Variants in ETV6 observed in about 807,000 individuals in gnomAD.
ETV6 encodes the protein ETS variant transcription factor 6.
In ETV6, 16 loss-of-function variants were observed where a neutral mutation model predicts 51.1. The observed-to-expected ratio is 0.31, with a 90% CI of 0.21 to 0.48. The LOEUF is 0.48. ETV6 is among the 20% of genes least tolerant of loss of function. The pLI is 0.99. For missense variants in ETV6, 458 were observed against 594.8 expected (o/e 0.77, Z 2.39); for synonymous variants, 240 against 224.1 (o/e 1.07, Z -0.64).
intron 2 of ETV6, among the ~76,000 whole-genome samples, chr12:11,781,690 C>T (rs1945416367): frequency 6.6e-6 from 1 of 152,132 alleles, no homozygotes; most frequent in Admixed American, 6.5e-5. Context: ...AGTCAGAACT[C>T]TTCTTTTGTG....
At chr12:11,737,892 G>A (rs2121004884) in intron 1 of ETV6, among the ~76,000 whole-genome samples, 1 of 152,340 alleles carries the variant, frequency 6.6e-6, no homozygotes, top group Middle Eastern at 3.4e-3. Context: ...TTAGGGGGAA[G>A]CATAAATGTG....
intron 1 of ETV6, among the ~76,000 whole-genome samples, chr12:11,684,569 A>G (rs1225253183): frequency 2.0e-5 from 3 of 152,242 alleles, no homozygotes; most frequent in Admixed American, 2.0e-4. Flanking sequence ...AGTGATCACT[A>G]CGTGACTAAT....
chr12:11,687,718 C>T (rs557253394), intron 1 of ETV6, among the ~76,000 whole-genome samples: 4 of 152,136 alleles, frequency 2.6e-5, no homozygotes, highest in Admixed American at 6.5e-5. Context: ...AAGAAAAGCA[C>T]ATAAGCTGTA....
intron 1 of ETV6, among the ~76,000 whole-genome samples, chr12:11,696,721 C>T (rs1223389618): frequency 6.6e-6 from 1 of 152,088 alleles, no homozygotes; most frequent in Non-Finnish European, 1.5e-5. Context: ...GAGGCTGAGG[C>T]AGAAGAATTG....
intron 1 of ETV6, among the ~76,000 whole-genome samples, chr12:11,722,931 G>A (rs1865417830): frequency 6.6e-6 from 1 of 152,166 alleles, no homozygotes; most frequent in African/African-American, 2.4e-5. Context: ...TTCTGATTTG[G>A]TAGGACTGGG....
intron 2 of ETV6, among the ~76,000 whole-genome samples, chr12:11,799,581 GA>G (rs1329937926): frequency 1.3e-5 from 2 of 151,990 alleles, no homozygotes; most frequent in African/African-American, 4.8e-5. Context: ...GAACTGTTAC[GA>G]AAAAAGAGGT....
At chr12:11,778,953 G>T (rs1699438803) in intron 2 of ETV6, among the ~76,000 whole-genome samples, 1 of 152,180 alleles carries the variant, frequency 6.6e-6, no homozygotes, top group African/African-American at 2.4e-5. Context: ...GACTTGGGTT[G>T]GTGGTTATTT....
intron 1 of ETV6, among the ~76,000 whole-genome samples, chr12:11,738,877 C>G (rs1462027215): frequency 6.6e-6 from 1 of 152,118 alleles, no homozygotes; most frequent in East Asian, 1.9e-4. Context: ...GCCCCGAGCT[C>G]TAAGAGTTGT....
chr12:11,859,118 GGTTTTTTT>G lies in ETV6; in HGVS notation c.463+5558_463+5565del, dbSNP rs1475211919. Among the ~76,000 whole-genome samples the G allele has an allele frequency of 1.1e-3, 46 of 41,800 alleles. 11 individuals carry two copies. The highest frequency in any genetic ancestry group is 2.3e-3 in the East Asian group (3 of 1,318). 27.4% of individuals were successfully genotyped at this position (41,800 alleles called of 152,430 possible). A position where few individuals can be genotyped will look rare whatever the true frequency, so the allele number is the denominator to read the frequency against. On this transcript the variant is annotated intron_variant, in intron 4 of 7. Transcript: ENST00000396373. ...TAAAGAAGATGAGGTATATGAATCT[GGTTTTTTT>G]TTTTTTTTTTTTTTTTTTTTTTTTT... is the stretch of plus-strand genomic sequence containing the variant.
intron 7 of ETV6, among the ~76,000 whole-genome samples, chr12:11,888,343 G>A (rs373386238): frequency 6.6e-6 from 1 of 151,280 alleles, no homozygotes; most frequent in Non-Finnish European, 1.5e-5. Context: ...TCATCACCTG[G>A]GTTTCCTGGA....
chr12:11,663,027 T>A (rs1204389101), intron 1 of ETV6, among the ~76,000 whole-genome samples: 1 of 152,246 alleles, frequency 6.6e-6, no homozygotes, highest in African/African-American at 2.4e-5. Flanking sequence ...GAGAGGTTTC[T>A]GTTATACCAT....
At chr12:11,818,398 C>A (rs116849479) in intron 2 of ETV6, among the ~76,000 whole-genome samples, 10,122 of 152,086 alleles carry the variant, frequency 0.067, 398 homozygotes, top group Admixed American at 0.094. Context: ...CGTGGTGATG[C>A]ATGCGTGTAA....
At chr12:11,750,522 T>C (rs1461893643) in intron 1 of ETV6, among the ~76,000 whole-genome samples, 1 of 152,212 alleles carries the variant, frequency 6.6e-6, no homozygotes, top group Non-Finnish European at 1.5e-5. Flanking sequence ...CTTGCACTCA[T>C]GAAGCACCAT....
At chr12:11,820,444 G>T (rs1295783064) in intron 2 of ETV6, among the ~76,000 whole-genome samples, 1 of 152,194 alleles carries the variant, frequency 6.6e-6, no homozygotes, top group Non-Finnish European at 1.5e-5. Flanking sequence ...GATTAGGGAT[G>T]AATGCTAAGA....
At chr12:11,874,383 A>G (rs2136555207) in intron 5 of ETV6, among the ~76,000 whole-genome samples, 1 of 147,254 alleles carries the variant, frequency 6.8e-6, no homozygotes, top group African/African-American at 2.5e-5. Flanking sequence ...TCTCAAAAAA[A>G]AAAAAAATGT....
intron 1 of ETV6, among the ~76,000 whole-genome samples, chr12:11,697,732 T>TA: frequency 6.6e-6 from 1 of 152,266 alleles, no homozygotes; most frequent in East Asian, 1.9e-4. Flanking sequence ...AGTAATTAAT[T>TA]AAAAAATGAA....
chr12:11,787,700 T>G (rs1299816675), intron 2 of ETV6, among the ~76,000 whole-genome samples: 1 of 152,156 alleles, frequency 6.6e-6, no homozygotes, highest in Non-Finnish European at 1.5e-5. Context: ...CAGCATACTT[T>G]CCTTTACCAA....
intron 1 of ETV6, among the ~76,000 whole-genome samples, chr12:11,739,703 A>G (rs978030387): frequency 7.5e-6 from 1 of 134,072 alleles, no homozygotes; most frequent in Non-Finnish European, 1.7e-5. Context: ...TTGACTATAC[A>G]TTGAAAGAAT....
At chr12:11,712,388 G>A (rs1591625758) in intron 1 of ETV6, among the ~76,000 whole-genome samples, 2 of 152,310 alleles carry the variant, frequency 1.3e-5, no homozygotes, top group East Asian at 3.9e-4. Flanking sequence ...AAGGACCTAG[G>A]TGCCAGTCTC....
Sources: allele counts gnomAD v4.1 joint callset (sites outside exome capture counted in the v4.1 genomes callset), GRCh38; gene constraint gnomAD v4.1.1; transcripts MANE v1.5; gene names NCBI Gene and HGNC (gene_info 2026-07-23, HGNC 2026-07-21).